ENPEP: variants seen among roughly 807,000 people sequenced by gnomAD.
The protein encoded by ENPEP is AP-A.
ENPEP carries 103 observed loss-of-function variants against 114.5 expected under a neutral mutation model. That is an observed-to-expected ratio of 0.90 (90% CI 0.77 to 1.06). ENPEP has a LOEUF of 1.06. ENPEP is among the 50% of genes least tolerant of loss of function. The probability of loss-of-function intolerance (pLI) is 0.00; values close to 1 mark genes in which losing one functional copy is unlikely to be tolerated. For missense variants in ENPEP, 1,196 were observed against 1,161.3 expected, an observed-to-expected ratio of 1.03 and a Z score of -0.43; for synonymous variants, 420 against 422.0, an observed-to-expected ratio of 1.00 and a Z score of 0.06.
chr4:110,541,025 A>G (rs1726826640), intron 11 of ENPEP, among the ~76,000 whole-genome samples: 1 of 152,132 alleles, frequency 6.6e-6, no homozygotes, highest in Admixed American at 6.6e-5. Flanking sequence ...CTCCTGTAAC[A>G]TATGGCTTTA....
chr4:110,534,906 C>G (rs182059106), intron 11 of ENPEP, among the ~76,000 whole-genome samples: 1 of 152,074 alleles, frequency 6.6e-6, no homozygotes, highest in Non-Finnish European at 1.5e-5. Context: ...CAAGGTGCTA[C>G]GTACATTCTG....
chr4:110,476,281 G>A lies in ENPEP; in HGVS notation c.-134G>A, dbSNP rs1364705532. ...AGAGGAAAAGGCGCAAGAAGCCAGA[G>A]AGAGGGGTGTGGGAAAAGCGAAAAC... On this transcript the variant is annotated 5_prime_UTR_variant, in exon 1 of 20. Coordinates refer to ENST00000265162, the MANE Select transcript of ENPEP (RefSeq NM_001977.4). 3 of 1,097,792 alleles carry A rather than the reference G, an allele frequency of 2.7e-6. No homozygotes were observed. The highest frequency in any genetic ancestry group is 3.8e-6 in the Non-Finnish European group (3 of 780,260). 68.0% of individuals were successfully genotyped at this position (1,097,792 alleles called of 1,614,324 possible).
rs377592598 is a variant in ENPEP at position 110,476,553 on chromosome 4, G to A, written c.139G>A (p.Gly47Arg). 9 of 1,612,614 alleles carry A rather than the reference G, an allele frequency of 5.6e-6. No homozygotes were observed. In the South Asian group the frequency reaches 8.8e-5, roughly 16 times the overall value. The part of the protein sequence containing the change: ...VGLTRSCDSS[G>R]DGGPGTAPAP... ...CTTGACCAGATCGTGTGACTCCAGC[G>A]GGGACGGCGGGCCGGGCACTGCGCC... is the stretch of plus-strand genomic sequence containing the variant. Residue 47 changes from glycine to arginine, a missense_variant, in exon 1 of 20, where the codon GGG becomes AGG. Transcript: ENST00000265162.
chr4:110,523,043 G>GT (rs373796223), intron 10 of ENPEP, among the ~76,000 whole-genome samples: 32 of 152,324 alleles, frequency 2.1e-4, no homozygotes, highest in Non-Finnish European at 3.5e-4. Context: ...GTGAGTGCCT[G>GT]TAAGGGCAGG....
Position 110,548,197 on chromosome 4 carries a change from G to A in ENPEP, c.2022G>A (p.Lys674=). The change falls in exon 14 of 20, where the codon AAG becomes AAA. Residue 674 remains lysine (K), a synonymous_variant. Coordinates refer to ENST00000265162, the MANE Select transcript of ENPEP (RefSeq NM_001977.4). ...TCAGAGCTCAACTTCTAGATTATAA[G>A]GTGGCTTTGAACTTGACCAAGTATC... is the stretch of plus-strand genomic sequence containing the variant. ...ALARAQLLDY[K]VALNLTKYLK... 7.3e-7 allele frequency: 1 copy of A among 1,361,834 alleles called. No individual in the cohort carries two copies. The highest frequency in any genetic ancestry group is 1.0e-6 in the Non-Finnish European group (1 of 1,002,766). The allele number at this position is 1,361,834 out of a possible 1,614,324, so 84.4% of individuals were successfully genotyped here. A position where few individuals can be genotyped will look rare whatever the true frequency, so the allele number is the denominator to read the frequency against.
At chr4:110,505,217 T>C (rs1725329820) in intron 3 of ENPEP, among the ~76,000 whole-genome samples, 1 of 152,168 alleles carries the variant, frequency 6.6e-6, no homozygotes, top group South Asian at 2.1e-4. Context: ...AAAATACCTG[T>C]CATTGTTCAC....
chr4:110,489,903 A>T (rs930124494), intron 2 of ENPEP, among the ~76,000 whole-genome samples: 1 of 152,246 alleles, frequency 6.6e-6, no homozygotes, highest in African/African-American at 2.4e-5. Flanking sequence ...TTGAAAAAGC[A>T]ACAACAAAAT....
Position 110,565,250 on chromosome 4 carries a change from TGTC to T in ENPEP, c.*3694_*3696del, listed in dbSNP as rs1314306833. On this transcript the variant is annotated 3_prime_UTR_variant, in exon 20 of 20. Transcript: ENST00000265162. ...AAAAATTATATAAAATTTAAATAAA[TGTC>T]GGCATCCTTAAATAAAGTTTTATTG... 4 of 152,292 alleles carry T rather than the reference TGTC, an allele frequency of 2.6e-5. No homozygotes were observed. The highest frequency in any genetic ancestry group is 2.1e-4 in the South Asian group (1 of 4,824). The allele number at this position is 152,292 out of a possible 1,614,324, so 9.4% of individuals were successfully genotyped here.
intron 11 of ENPEP, chr4:110,532,986 A>G: frequency 2.8e-6 from 1 of 361,810 alleles, no homozygotes; most frequent in Non-Finnish European, 5.6e-6. Flanking sequence ...GTGTAACAGC[A>G]CTGGTAAAAG....
At position 110,554,565 on chromosome 4, in the gene ENPEP, A is replaced by T. The variant is rs140510533; in HGVS notation, c.2642+1110A>T. ...TGAGTGTGTGTGTGTGTGTGCACGC[A>T]CATATGTGCATTGTTCATCTTTTAT... On this transcript the variant is annotated intron_variant, in intron 18 of 19. Transcript: ENST00000265162. 3.3e-3 allele frequency among the ~76,000 whole-genome samples: 505 copies of T among 152,046 alleles called. 1 individual carries two copies. The highest frequency in any genetic ancestry group is 3.8e-3 in the Non-Finnish European group (259 of 67,854).
At chr4:110,547,936 T>A (rs1727127734) in intron 13 of ENPEP, among the ~76,000 whole-genome samples, 1 of 152,034 alleles carries the variant, frequency 6.6e-6, no homozygotes, top group Admixed American at 6.6e-5. Context: ...AATGTACATC[T>A]TAATGCCTTT....
intron 1 of ENPEP, among the ~76,000 whole-genome samples, chr4:110,482,834 C>G (rs1261845476): frequency 6.6e-6 from 1 of 152,064 alleles, no homozygotes; most frequent in African/African-American, 2.4e-5. Context: ...CATGGTGAAA[C>G]CCCGCCTCTA....
Position 110,562,626 on chromosome 4 carries a change from C to G in ENPEP, c.*1068C>G, listed in dbSNP as rs1346535676. The G allele has an allele frequency of 6.6e-6, 1 of 152,048 alleles. No homozygotes were observed. 9.4% of individuals were successfully genotyped at this position (152,048 alleles called of 1,614,324 possible). A position where few individuals can be genotyped will look rare whatever the true frequency, so the allele number is the denominator to read the frequency against. ...CAATTTTATGTATAAACCCTTAGAT[C>G]CTAATCCATACAGAATAGCACTGAT... On this transcript the variant is annotated 3_prime_UTR_variant, in exon 20 of 20. Transcript: ENST00000265162.
Position 110,561,463 on chromosome 4 carries a change from C to T in ENPEP, c.2779C>T (p.Gln927Ter). 1 of 1,613,976 alleles carries T rather than the reference C, an allele frequency of 6.2e-7. No individual in the cohort carries two copies. Among genetic ancestry groups the T allele is most frequent in the African/African-American group, 1.3e-5 (1 of 75,026 alleles). Residue 927 changes from glutamine (Q) to a stop codon, truncating the protein, a stop_gained, in exon 20 of 20, where the codon CAA (glutamine) becomes TAA (stop). Coordinates refer to ENST00000265162, the MANE Select transcript of ENPEP (RefSeq NM_001977.4). LOFTEE classifies it low-confidence loss of function (END_TRUNC). ...QAGAGEKPRE[Q>*]VLETVKNNIE... ...TGGAGCAGGAGAAAAACCTAGGGAA[C>T]AAGTGCTGGAAACAGTGAAAAACAA...
At chr4:110,546,026 C>T (rs887489753) in intron 13 of ENPEP, among the ~76,000 whole-genome samples, 1 of 152,012 alleles carries the variant, frequency 6.6e-6, no homozygotes, top group Non-Finnish European at 1.5e-5. Flanking sequence ...TCTCCTGAGT[C>T]TTAATTAGAC....
chr4:110,538,208 G>GC (rs1726715612), intron 11 of ENPEP, among the ~76,000 whole-genome samples: 1 of 152,142 alleles, frequency 6.6e-6, no homozygotes. Context: ...GTCCTTGATG[G>GC]CATCTTCTTC....
At chr4:110,543,523 T>G (rs1330027878) in intron 13 of ENPEP, among the ~76,000 whole-genome samples, 2 of 152,052 alleles carry the variant, frequency 1.3e-5, no homozygotes, top group African/African-American at 2.4e-5. Flanking sequence ...CTATGGTGCT[T>G]TAGAACTGAT....
chr4:110,513,344 A>T, intron 6 of ENPEP, 71 bp from the exon 7 acceptor site: 1 of 1,484,694 alleles, frequency 6.7e-7, no homozygotes, highest in Middle Eastern at 1.8e-4. Context: ...TTTTTCTTAT[A>T]TATGGTATTT....
At chr4:110,517,762 A>G (rs1560561007) in intron 8 of ENPEP, among the ~76,000 whole-genome samples, 1 of 152,262 alleles carries the variant, frequency 6.6e-6, no homozygotes, top group Non-Finnish European at 1.5e-5. Context: ...TTATAGTGCT[A>G]TGGAATGAAT....
Sources: gnomAD v4.1 joint callset for allele counts (sites outside exome capture counted in the v4.1 genomes callset) on GRCh38, gnomAD v4.1.1 for gene constraint, MANE v1.5 for transcripts, NCBI Gene and HGNC (gene_info 2026-07-23, HGNC 2026-07-21) for gene names.